MCCC2: variants seen among roughly 807,000 people sequenced by gnomAD.
MCCC2 encodes methylcrotonyl-CoA carboxylase subunit 2, also known as methylcrotonoyl-CoA carboxylase beta chain, mitochondrial.
In MCCC2, 52 loss-of-function variants were observed where a neutral mutation model predicts 77.2. That is an observed-to-expected ratio of 0.67 (90% confidence interval 0.54 to 0.85). The LOEUF (loss-of-function observed/expected upper bound fraction) is 0.85, where lower values mean the gene tolerates loss of function less well. Among genes scored for constraint, MCCC2 ranks in the 40% least tolerant of loss-of-function variants. MCCC2 has a pLI of 0.00. For missense variants in MCCC2, 682 were observed against 703.2 expected (o/e 0.97, Z 0.34); for synonymous variants, 253 against 248.4 (o/e 1.02, Z -0.18).
chr5:71,627,715 T>G, intron 7 of MCCC2, among the ~76,000 whole-genome samples: 1 of 152,234 alleles, frequency 6.6e-6, no homozygotes, highest in Non-Finnish European at 1.5e-5. Context: ...CACATTCTTG[T>G]CAACACTTGT....
At chr5:71,642,122 C>G (rs1271807680) in intron 11 of MCCC2, among the ~76,000 whole-genome samples, 1 of 152,138 alleles carries the variant, frequency 6.6e-6, no homozygotes, top group Non-Finnish European at 1.5e-5. Flanking sequence ...CCCTGTGGCA[C>G]TCTTATCCCC....
chr5:71,588,998 G>A (rs1744866203), intron 1 of MCCC2, among the ~76,000 whole-genome samples: 1 of 152,206 alleles, frequency 6.6e-6, no homozygotes, highest in Non-Finnish European at 1.5e-5. Flanking sequence ...AATCATCAGT[G>A]TGGTGGCAAT....
At chr5:71,636,963 C>T (rs958359676) in intron 10 of MCCC2, among the ~76,000 whole-genome samples, 5 of 151,786 alleles carry the variant, frequency 3.3e-5, no homozygotes, top group African/African-American at 4.8e-5. Context: ...TGGCTTTTCT[C>T]GAACTCCTGA....
At chr5:71,653,053 T>G (rs1747483574) in intron 16 of MCCC2, among the ~76,000 whole-genome samples, 1 of 152,224 alleles carries the variant, frequency 6.6e-6, no homozygotes, top group African/African-American at 2.4e-5. Context: ...CAGCCCAAGG[T>G]GGGCCATGTT....
At chr5:71,593,300 G>T (rs1745054072) in intron 2 of MCCC2, among the ~76,000 whole-genome samples, 1 of 152,052 alleles carries the variant, frequency 6.6e-6, no homozygotes, top group Non-Finnish European at 1.5e-5. Flanking sequence ...ATGTTGGCCA[G>T]GCTGGTCTTG....
intron 8 of MCCC2, among the ~76,000 whole-genome samples, chr5:71,632,699 A>G (rs771600587): frequency 2.1e-5 from 3 of 146,092 alleles, no homozygotes; most frequent in African/African-American, 5.6e-5. Flanking sequence ...GCATTTGCCA[A>G]TTTCTGTGGT....
chr5:71,618,323 G>T (rs1307231464), intron 6 of MCCC2, among the ~76,000 whole-genome samples: 2 of 152,126 alleles, frequency 1.3e-5, no homozygotes, highest in Admixed American at 1.3e-4. Flanking sequence ...GCCTTCGTTT[G>T]CTCTCTGTCT....
intron 6 of MCCC2, among the ~76,000 whole-genome samples, chr5:71,626,397 C>G (rs947914010): frequency 6.6e-6 from 1 of 152,212 alleles, no homozygotes; most frequent in Non-Finnish European, 1.5e-5. Flanking sequence ...CCAGTCTTCT[C>G]TCTGACAGGG....
At chr5:71,611,019 A>G (rs1029599689) in intron 6 of MCCC2, among the ~76,000 whole-genome samples, 1 of 152,140 alleles carries the variant, frequency 6.6e-6, no homozygotes, top group African/African-American at 2.4e-5. Context: ...AAAGGAAAAC[A>G]GGGTTTAAAA....
intron 8 of MCCC2, among the ~76,000 whole-genome samples, chr5:71,633,091 TTATATATATA>T (rs137979624): frequency 5.6e-4 from 47 of 84,242 alleles, no homozygotes; most frequent in African/African-American, 1.6e-3. Flanking sequence ...TTTTTCAGTT[TTATATATATA>T]TATATATATA....
intron 10 of MCCC2, chr5:71,636,135 A>T (rs760789981): frequency 3.6e-5 from 15 of 421,268 alleles, no homozygotes; most frequent in Middle Eastern, 6.7e-4. Context: ...CTACGGCTAG[A>T]TCTTAATTCC....
intron 6 of MCCC2, among the ~76,000 whole-genome samples, chr5:71,608,468 G>A (rs1295588738): frequency 6.9e-6 from 1 of 144,694 alleles, no homozygotes; most frequent in Non-Finnish European, 1.5e-5. Context: ...GCCTATGTGT[G>A]TCTCTGCACG....
chr5:71,650,945 G>A (rs1285311075), intron 15 of MCCC2, among the ~76,000 whole-genome samples: 2 of 152,020 alleles, frequency 1.3e-5, no homozygotes, highest in Admixed American at 6.6e-5. Context: ...CACCGCGCCC[G>A]GCCTAATTTT....
At chr5:71,648,287 G>C (rs1004963915) in intron 13 of MCCC2, among the ~76,000 whole-genome samples, 1 of 152,144 alleles carries the variant, frequency 6.6e-6, no homozygotes, top group Non-Finnish European at 1.5e-5. Context: ...GACTTGCGGG[G>C]TAAGGAGACA....
chr5:71,639,997 A>G (rs1209452665), intron 10 of MCCC2, among the ~76,000 whole-genome samples: 2 of 152,240 alleles, frequency 1.3e-5, no homozygotes, highest in Admixed American at 1.3e-4. Context: ...AGTGCAAACT[A>G]TGTAGAAAAA....
chr5:71,592,838 GTTTTTTT>G (rs371137817), intron 1 of MCCC2, 81 bp from the exon 2 acceptor site: 12 of 822,818 alleles, frequency 1.5e-5, no homozygotes, highest in Non-Finnish European at 2.1e-5. Flanking sequence ...ACAGACCACT[GTTTTTTT>G]TTTTTTTTTG....
chr5:71,628,618 T>C (rs1039362013), intron 7 of MCCC2, among the ~76,000 whole-genome samples: 6 of 152,326 alleles, frequency 3.9e-5, no homozygotes, highest in South Asian at 4.1e-4. Flanking sequence ...TGTTCCAGCA[T>C]CATTAGTTGA....
chr5:71,595,020 TC>T (rs1225929867), intron 2 of MCCC2, among the ~76,000 whole-genome samples: 1 of 151,082 alleles, frequency 6.6e-6, no homozygotes, highest in Non-Finnish European at 1.5e-5. Flanking sequence ...CGCCTCAGCC[TC>T]CCGAATAGCT....
In MCCC2 at chr5:71,593,010, TC is replaced by T; in HGVS notation, c.196+20del. 2 of 1,593,266 alleles carry T rather than the reference TC, an allele frequency of 1.3e-6. No individual in the cohort carries two copies. Among genetic ancestry groups the T allele is most frequent in the Non-Finnish European group, 1.7e-6 (2 of 1,161,158 alleles). On this transcript the variant is annotated intron_variant, in intron 2 of 16. Coordinates refer to ENST00000340941, the MANE Select transcript of MCCC2 (RefSeq NM_022132.5). ...AAAACTAGGTAAACACAGCATTTAT[TC>T]CACAGCTTATGCCTTTACTTAAGAT...
Sources: gnomAD v4.1 joint callset for allele counts (sites outside exome capture counted in the v4.1 genomes callset) on GRCh38, gnomAD v4.1.1 for gene constraint, MANE v1.5 for transcripts, NCBI Gene and HGNC (gene_info 2026-07-23, HGNC 2026-07-21) for gene names.